Variants in TBX2 observed in about 807,000 individuals in gnomAD.
TBX2 encodes T-box transcription factor 2, also known as T-box transcription factor TBX2.
In TBX2, 19 loss-of-function variants were observed where a neutral mutation model predicts 48.4. That is an observed-to-expected ratio of 0.39 (90% CI 0.27 to 0.58). The LOEUF is 0.58. TBX2 is among the 20% of genes least tolerant of loss of function. TBX2 has a pLI of 0.54. For missense variants in TBX2, 994 were observed against 1,006.5 expected, an observed-to-expected ratio of 0.99 and a Z score of 0.17; for synonymous variants, 522 against 459.7, an observed-to-expected ratio of 1.14 and a Z score of -1.73.
Position 61,408,177 on chromosome 17 carries a change from G to A in TBX2, c.1810G>A (p.Gly604Ser), listed in dbSNP as rs147014278. The part of the protein sequence containing the change: ...SAAAAAAAAA[G>S]SLSRSPFLGS... ...TGCAGCTGCCGCCGCCGCAGCCGCC[G>A]GCTCCCTCTCCCGGAGCCCCTTCCT... The change falls in exon 7 of 7, where the codon GGC becomes AGC. Residue 604 changes from glycine to serine, a missense_variant. By Grantham distance (56) the Gly-to-Ser change is moderately conservative. Transcript: ENST00000240328. 2.5e-5 allele frequency: 41 copies of A among 1,612,714 alleles called. No individual in the cohort carries two copies. In the African/African-American group the frequency reaches 3.3e-4, roughly 13 times the overall value.
chr17:61,403,327 G>T lies in TBX2; in HGVS notation c.810+120G>T. 1.4e-6 allele frequency: 2 copies of T among 1,461,182 alleles called. No homozygotes were observed. Among genetic ancestry groups the T allele is most frequent in the Admixed American group, 2.4e-5 (1 of 41,240 alleles). The allele number at this position is 1,461,182 out of a possible 1,614,324, so 90.5% of individuals were successfully genotyped here. The stretch of plus-strand genomic sequence containing the variant: ...CACGGGATCCGCGCTCTTGCGGCCC[G>T]CCCCCGAGCACCGAGCCTCGCATCC... On this transcript the variant is annotated intron_variant, in intron 3 of 6. Transcript: ENST00000240328. The surrounding 1 kb of genome is among the most constrained non-coding windows in gnomAD (Gnocchi z 5.8).
rs2060277260 is a variant in TBX2, at chr17:61,403,996, C to T, written c.811-425C>T. On this transcript the variant is annotated intron_variant, in intron 3 of 6. Transcript: ENST00000240328. This position sits in a 1 kb window ranked among gnomAD's most constrained non-coding sequence, Gnocchi z 5.8. Reference sequence around the variant, plus strand: ...TAGGCGTTTGTTATGTCTGTGCACACTTGCGTGTGTGCGAGCCCGTGAGTG... The same window carrying T: ...TAGGCGTTTGTTATGTCTGTGCACATTTGCGTGTGTGCGAGCCCGTGAGTG... Among the ~76,000 whole-genome samples, 1 of 152,186 alleles carries T rather than the reference C, an allele frequency of 6.6e-6. No individual in the cohort carries two copies. Among genetic ancestry groups the T allele is most frequent in the South Asian group, 2.1e-4 (1 of 4,830 alleles).
rs1217722588 is a variant in TBX2 at position 61,403,998 on chromosome 17, T to G, written c.811-423T>G. Reference sequence around the variant, plus strand: ...GGCGTTTGTTATGTCTGTGCACACTTGCGTGTGTGCGAGCCCGTGAGTGTG... The same window carrying G: ...GGCGTTTGTTATGTCTGTGCACACTGGCGTGTGTGCGAGCCCGTGAGTGTG... On this transcript the variant is annotated intron_variant, in intron 3 of 6. Coordinates refer to ENST00000240328, the MANE Select transcript of TBX2 (RefSeq NM_005994.4). This position sits in a 1 kb window ranked among gnomAD's most constrained non-coding sequence, Gnocchi z 5.8. Among the ~76,000 whole-genome samples the G allele has an allele frequency of 6.6e-6, 1 of 152,150 alleles. No individual in the cohort carries two copies. Among genetic ancestry groups the G allele is most frequent in the East Asian group, 1.9e-4 (1 of 5,172 alleles).
intron 3 of TBX2, 53 bp from the exon 4 acceptor site, chr17:61,404,367 AC>A (rs2060278503): frequency 6.5e-7 from 1 of 1,539,956 alleles, no homozygotes; most frequent in Non-Finnish European, 8.8e-7. Context: ...GGTGCCACCG[AC>A]CACGCTGGAA....
In TBX2 at chr17:61,400,130, C is replaced by CCCCCGG. The variant is rs768319653; in HGVS notation, c.-30_-25dup. ...CCGGGCCGGGGGTCCGAGCCGCGCG[C>CCCCCGG]CCCCGGCCCCGGCCCCGGCCCCCGG... On this transcript the variant is annotated 5_prime_UTR_variant, in exon 1 of 7. Coordinates refer to ENST00000240328, the MANE Select transcript of TBX2 (RefSeq NM_005994.4). The surrounding 1 kb of genome is among the most constrained non-coding windows in gnomAD (Gnocchi z 9.2). The CCCCCGG allele has an allele frequency of 3.5e-5, 34 of 968,632 alleles. 1 individual carries two copies. Among genetic ancestry groups the CCCCCGG allele is most frequent in the Middle Eastern group, 1.1e-3 (2 of 1,890 alleles). The allele number at this position is 968,632 out of a possible 1,614,324, so 60.0% of individuals were successfully genotyped here.
rs766443447 is a variant in TBX2 at position 61,405,412 on chromosome 17, G to A, written c.1262G>A (p.Ser421Asn). 3.0e-5 allele frequency: 46 copies of A among 1,545,646 alleles called. No homozygotes were observed. In the East Asian group the frequency reaches 9.0e-4, roughly 30 times the overall value. The change falls in exon 6 of 7, where the codon AGC becomes AAC. Residue 421 changes from serine to asparagine, a missense_variant. By Grantham distance (46) the Ser-to-Asn change is conservative (BLOSUM62 1). Around this residue, in one of 5 missense-constraint regions of TBX2, gnomAD observed 639 missense variants for 613.2 expected, o/e 1.04. Coordinates refer to ENST00000240328, the MANE Select transcript of TBX2 (RefSeq NM_005994.4). ...SGGDGPFGLRSLEKERAEARR... is the reference protein window; with the variant it reads ...SGGDGPFGLRNLEKERAEARR... The stretch of plus-strand genomic sequence containing the variant: ...GGGGACGGCCCGTTCGGCCTGAGGA[G>A]CCTGGAGAAGGAGCGCGCCGAAGCT...
chr17:61,404,319 C>G, intron 3 of TBX2, 102 bp from the exon 4 acceptor site: 1 of 1,408,296 alleles, frequency 7.1e-7, no homozygotes, highest in Non-Finnish European at 9.6e-7. Context: ...GGACGCTCCC[C>G]GGGTCTTCCC....
At chr17:61,404,565 G>A in intron 4 of TBX2, 41 bp from the exon 5 acceptor site, 3 of 1,594,054 alleles carry the variant, frequency 1.9e-6, no homozygotes, top group Non-Finnish European at 2.6e-6. Flanking sequence ...GGGATGGAGG[G>A]ATGGGCTCCC....
In TBX2 at chr17:61,403,106, G is replaced by C. The variant is rs767574262; in HGVS notation, c.709G>C (p.Val237Leu). ...MHKYQPRFHI[V>L]RANDILKLPY... is the part of the protein sequence containing the mutation. Reference sequence around the variant, plus strand: ...CAAGTACCAGCCGCGCTTCCACATAGTGCGAGCCAACGACATCCTGAAGCT... The same window carrying C: ...CAAGTACCAGCCGCGCTTCCACATACTGCGAGCCAACGACATCCTGAAGCT... Residue 237 changes from valine to leucine, a missense_variant, in exon 3 of 7, where the codon GTG becomes CTG. Coordinates refer to ENST00000240328, the MANE Select transcript of TBX2 (RefSeq NM_005994.4). The surrounding 1 kb of genome is among the most constrained non-coding windows in gnomAD (Gnocchi z 5.8). 2 of 1,613,582 alleles carry C rather than the reference G, an allele frequency of 1.2e-6. No individual in the cohort carries two copies. The highest frequency in any genetic ancestry group is 1.3e-5 in the African/African-American group (1 of 74,914).
Position 61,405,926 on chromosome 17 carries a change from G to A in TBX2, c.1686+90G>A, listed in dbSNP as rs1259765186. On this transcript the variant is annotated intron_variant, in intron 6 of 6. Coordinates refer to ENST00000240328, the MANE Select transcript of TBX2 (RefSeq NM_005994.4). ...CAGCGGAGGGCCTGAGGGGTGCCAG[G>A]GTCGCTGGGATCCTCTGGCAGGCAA... 3.7e-5 allele frequency: 45 copies of A among 1,210,922 alleles called. 1 individual carries two copies. The highest frequency in any genetic ancestry group is 1.7e-4 in the South Asian group (4 of 24,118). 75.0% of individuals were successfully genotyped at this position (1,210,922 alleles called of 1,614,324 possible).
chr17:61,404,593 C>G lies in TBX2; in HGVS notation c.888-13C>G. ...GGGCTCCCCGCTGACCTGGTTCATCCGCTCATCCCCAGGAAGCAGCTGACG... is the reference window on the plus strand; with the variant it reads ...GGGCTCCCCGCTGACCTGGTTCATCGGCTCATCCCCAGGAAGCAGCTGACG... On this transcript the variant is annotated splice_polypyrimidine_tract_variant and intron_variant, in intron 4 of 6. Transcript: ENST00000240328. 3.1e-6 allele frequency: 5 copies of G among 1,588,130 alleles called. No homozygotes were observed. The highest frequency in any genetic ancestry group is 4.3e-6 in the Non-Finnish European group (5 of 1,165,454).
In TBX2 at chr17:61,408,342, C is replaced by A; in HGVS notation, c.1975C>A (p.Leu659Met). 1 of 1,598,554 alleles carries A rather than the reference C, an allele frequency of 6.3e-7. No homozygotes were observed. The highest frequency in any genetic ancestry group is 8.5e-7 in the Non-Finnish European group (1 of 1,173,530). The change falls in exon 7 of 7, where the codon CTG becomes ATG. Residue 659 changes from leucine (L) to methionine (M), a missense_variant. Leu to Met is a conservative substitution (Grantham distance 15, BLOSUM62 2). Around this residue, in one of 5 missense-constraint regions of TBX2, gnomAD observed 639 missense variants for 613.2 expected, o/e 1.04. Transcript: ENST00000240328. ...TGGAAACAGCCGGGAGCCTAGCCCC[C>A]TGCCCGAGCTGGCTCTCCGCAAAGT... is the stretch of plus-strand genomic sequence containing the variant. ...AGGNSREPSP[L>M]PELALRKVGA...
Position 61,400,293 on chromosome 17 carries a change from G to C in TBX2, c.117G>C (p.Pro39=), listed in dbSNP as rs750589365. 2 of 1,139,914 alleles carry C rather than the reference G, an allele frequency of 1.8e-6. No homozygotes were observed. The highest frequency in any genetic ancestry group is 3.9e-5 in the South Asian group (2 of 50,776). 70.6% of individuals were successfully genotyped at this position (1,139,914 alleles called of 1,614,324 possible). Reference sequence around the variant, plus strand: ...CGGCGGCGCAGCCCTCCTTCTTCCCGGCACTCGCGCTGCCGCCCGGCGCGC... The same window carrying C: ...CGGCGGCGCAGCCCTCCTTCTTCCCCGCACTCGCGCTGCCGCCCGGCGCGC... ...FLAAAQPSFF[P]ALALPPGALA... Residue 39 remains proline (P), a synonymous_variant, in exon 1 of 7, where the codon CCG becomes CCC. Coordinates refer to ENST00000240328, the MANE Select transcript of TBX2 (RefSeq NM_005994.4). The surrounding 1 kb of genome is among the most constrained non-coding windows in gnomAD (Gnocchi z 9.2).
chr17:61,404,563 G>A, intron 4 of TBX2, 43 bp from the exon 5 acceptor site: 1 of 1,593,666 alleles, frequency 6.3e-7, no homozygotes, highest in Non-Finnish European at 8.5e-7. Flanking sequence ...GAGGGATGGA[G>A]GGATGGGCTC....
In TBX2 at chr17:61,406,904, C is replaced by A. The variant is rs1405696960; in HGVS notation, c.1686+1068C>A. ...TCAGGGCCCAGAGGTTTAATCTGCA[C>A]CCCTGATTATTTGTGTATATGAATG... On this transcript the variant is annotated intron_variant, in intron 6 of 6. Coordinates refer to ENST00000240328, the MANE Select transcript of TBX2 (RefSeq NM_005994.4). This position sits in a 1 kb window ranked among gnomAD's most constrained non-coding sequence, Gnocchi z 5.7. 4 of 152,114 alleles carry A rather than the reference C, an allele frequency of 2.6e-5. No individual in the cohort carries two copies. Among genetic ancestry groups the A allele is most frequent in the Non-Finnish European group, 5.9e-5 (4 of 68,024 alleles). 9.4% of individuals were successfully genotyped at this position (152,114 alleles called of 1,614,324 possible).
At chr17:61,402,333 T>C (rs2060266973) in intron 2 of TBX2, among the ~76,000 whole-genome samples, 1 of 152,204 alleles carries the variant, frequency 6.6e-6, no homozygotes, top group Non-Finnish European at 1.5e-5. Context: ...TGACCTCAAC[T>C]TGTCCATCAC....
intron 1 of TBX2, among the ~76,000 whole-genome samples, chr17:61,401,423 G>A (rs1324681449): frequency 6.6e-6 from 1 of 152,170 alleles, no homozygotes; most frequent in African/African-American, 2.4e-5. Context: ...CAGGGAGAAA[G>A]AGGGTCCCCA....
At chr17:61,401,141 A>G (rs1186689547) in intron 1 of TBX2, among the ~76,000 whole-genome samples, 1 of 152,146 alleles carries the variant, frequency 6.6e-6, no homozygotes, top group Non-Finnish European at 1.5e-5. Context: ...TAAAGCCTGA[A>G]GAAAGCCACA....
chr17:61,404,812 G>GA (rs761385618), intron 5 of TBX2, 43 bp downstream of exon 5: 47 of 1,536,180 alleles, frequency 3.1e-5, no homozygotes, highest in Middle Eastern at 1.7e-4. Flanking sequence ...TGGCGGCGGG[G>GA]GGTCCTCAGG....
Sources: gnomAD v4.1 joint callset for allele counts (sites outside exome capture counted in the v4.1 genomes callset) on GRCh38, gnomAD v4.1.1 for gene constraint, gnomAD v4.1.1 regional missense constraint, Gnocchi (gnomAD v3.1) non-coding constraint, MANE v1.5 for transcripts, NCBI Gene and HGNC (gene_info 2026-07-23, HGNC 2026-07-21) for gene names.